ASTN2: variants seen among roughly 807,000 people sequenced by gnomAD.
ASTN2 encodes the protein astrotactin 2, also known as astrotactin-2.
In ASTN2, 54 loss-of-function variants were observed where a neutral mutation model predicts 139.8. The observed-to-expected ratio is 0.39, with a 90% confidence interval of 0.31 to 0.48. The LOEUF (loss-of-function observed/expected upper bound fraction) is 0.48. ASTN2 is among the 20% of genes least tolerant of loss of function. ASTN2 has a pLI of 0.95. For synonymous variants in ASTN2, 756 were observed against 719.5 expected (o/e 1.05, Z -0.81); for missense variants, 1,565 against 1,725.1 (o/e 0.91, Z 1.64).
chr9:116,925,222 A>T (rs867026727), intron 10 of ASTN2, among the ~76,000 whole-genome samples: 1 of 152,198 alleles, frequency 6.6e-6, no homozygotes, highest in Non-Finnish European at 1.5e-5. Context: ...AGTCATCAGC[A>T]CTACCACCAC....
chr9:117,140,415 A>G (rs1246153203), intron 4 of ASTN2, among the ~76,000 whole-genome samples: 1 of 152,142 alleles, frequency 6.6e-6, no homozygotes, highest in Non-Finnish European at 1.5e-5. Context: ...GGAGACTACT[A>G]GTTTTTCTAT....
At chr9:116,879,209 G>C (rs1408451270) in intron 10 of ASTN2, among the ~76,000 whole-genome samples, 1 of 152,116 alleles carries the variant, frequency 6.6e-6, no homozygotes, top group Non-Finnish European at 1.5e-5. Context: ...CTACAATGAT[G>C]GGGTGATCTC....
chr9:116,991,020 C>G (rs1480017048), intron 7 of ASTN2, among the ~76,000 whole-genome samples: 2 of 152,144 alleles, frequency 1.3e-5, no homozygotes, highest in African/African-American at 4.8e-5. Flanking sequence ...ATCCATACTC[C>G]AACTGCCCAT....
intron 1 of ASTN2, among the ~76,000 whole-genome samples, chr9:117,334,606 A>C (rs1828818262): frequency 6.6e-6 from 1 of 151,844 alleles, no homozygotes; most frequent in African/African-American, 2.4e-5. Context: ...CTCCCTGCTA[A>C]ATGCCTTTTA....
chr9:116,932,540 G>C (rs1834930800), intron 10 of ASTN2, among the ~76,000 whole-genome samples: 1 of 152,102 alleles, frequency 6.6e-6, no homozygotes. Context: ...TCTTCCCCCT[G>C]CTTCCATCCT....
Position 116,699,211 on chromosome 9 carries a change from G to A in ASTN2, c.2806+26560C>T, listed in dbSNP as rs777563978. On this transcript the variant is annotated intron_variant, in intron 16 of 22. Transcript: ENST00000313400. The surrounding 1 kb of genome is among the most constrained non-coding windows in gnomAD (Gnocchi z 4.2). ...CAGTTTGTAGTAACCGATGTGGAAG[G>A]TGGAAAGCTTTGGTGTTTCACAGTT... 4 of 1,614,132 alleles carry A rather than the reference G, an allele frequency of 2.5e-6. No homozygotes were observed. Among genetic ancestry groups the A allele is most frequent in the Non-Finnish European group, 3.4e-6 (4 of 1,180,052 alleles).
chr9:117,050,569 TG>T (rs1838887464), intron 5 of ASTN2, among the ~76,000 whole-genome samples: 1 of 151,972 alleles, frequency 6.6e-6, no homozygotes, highest in African/African-American at 2.4e-5. Context: ...TACTTGACAT[TG>T]GGGGAAATGG....
At chr9:116,614,901 C>A (rs1387874616) in intron 19 of ASTN2, among the ~76,000 whole-genome samples, 2 of 152,126 alleles carry the variant, frequency 1.3e-5, no homozygotes, top group African/African-American at 4.8e-5. Flanking sequence ...AGAGCTTCTG[C>A]ACAACAAAAG....
Position 117,071,189 on chromosome 9 carries a change from G to C in ASTN2, c.1276+24855C>G, listed in dbSNP as rs1828111456. On this transcript the variant is annotated intron_variant, in intron 5 of 22. Transcript: ENST00000313400. Reference sequence around the variant, plus strand: ...GATGGTGATGTACAGATGGGTTTTTGGTGTGGATGTCCTTTCTGTTTGTTA... The same window carrying C: ...GATGGTGATGTACAGATGGGTTTTTCGTGTGGATGTCCTTTCTGTTTGTTA... Among the ~76,000 whole-genome samples, 4 of 151,298 alleles carry C rather than the reference G, an allele frequency of 2.6e-5. No homozygotes were observed. The South Asian group carries it at 8.4e-4, about 32-fold the overall frequency.
chr9:116,966,056 C>T (rs935942941), intron 10 of ASTN2, among the ~76,000 whole-genome samples: 6 of 152,146 alleles, frequency 3.9e-5, no homozygotes, highest in Non-Finnish European at 4.4e-5. Flanking sequence ...GGTATACTAA[C>T]CCCCAGCCCA....
intron 6 of ASTN2, among the ~76,000 whole-genome samples, chr9:117,037,508 T>C (rs974771702): frequency 5.3e-5 from 8 of 152,196 alleles, no homozygotes; most frequent in Non-Finnish European, 2.9e-5. Flanking sequence ...GGAATTCACT[T>C]GGCTATCGAA....
intron 5 of ASTN2, among the ~76,000 whole-genome samples, chr9:117,049,538 C>A (rs1265758811): frequency 6.6e-6 from 1 of 152,152 alleles, no homozygotes; most frequent in Admixed American, 6.5e-5. Context: ...TGCCCTTATG[C>A]CAGGCACTGT....
intron 19 of ASTN2, among the ~76,000 whole-genome samples, chr9:116,552,429 A>G (rs1852395162): frequency 6.6e-6 from 1 of 152,222 alleles, no homozygotes; most frequent in South Asian, 2.1e-4. Context: ...GGTAAAGGTA[A>G]AACATTCTGC....
At chr9:117,239,028 T>C (rs1380321839) in intron 2 of ASTN2, among the ~76,000 whole-genome samples, 1 of 152,198 alleles carries the variant, frequency 6.6e-6, no homozygotes, top group African/African-American at 2.4e-5. Context: ...TTTAGATGCA[T>C]TACTTCATCA....
intron 20 of ASTN2, among the ~76,000 whole-genome samples, chr9:116,473,109 T>C (rs1186662168): frequency 1.3e-5 from 2 of 152,050 alleles, no homozygotes; most frequent in African/African-American, 4.8e-5. Flanking sequence ...GCATAATGAA[T>C]GGCATGTAAT....
At chr9:117,060,609 G>A (rs868244705) in intron 5 of ASTN2, among the ~76,000 whole-genome samples, 16 of 121,796 alleles carry the variant, frequency 1.3e-4, no homozygotes, top group African/African-American at 1.9e-4. Context: ...GGAAGGAAGG[G>A]CGGGCCAGGG....
intron 5 of ASTN2, among the ~76,000 whole-genome samples, chr9:117,050,439 C>A (rs981100575): frequency 3.3e-5 from 5 of 151,966 alleles, no homozygotes; most frequent in African/African-American, 1.2e-4. Context: ...AATACACAAC[C>A]AACGTTATTC....
In ASTN2 at chr9:117,000,847, A is replaced by C. The variant is rs369904986; in HGVS notation, c.1591+7245T>G. On this transcript the variant is annotated intron_variant, in intron 7 of 22. Coordinates refer to ENST00000313400, the MANE Select transcript of ASTN2 (RefSeq NM_001365068.1). ...GCATTTACCAATTGTGTTGGTGTAA[A>C]CATCCTCACCATAGCATATTTTCAG... 4.6e-5 allele frequency among the ~76,000 whole-genome samples: 7 copies of C among 152,326 alleles called. No individual in the cohort carries two copies. The East Asian group carries it at 5.8e-4, about 13-fold the overall frequency.
At chr9:116,847,025 A>C (rs1223437825) in intron 11 of ASTN2, among the ~76,000 whole-genome samples, 6 of 119,578 alleles carry the variant, frequency 5.0e-5, no homozygotes, top group African/African-American at 1.1e-4. Flanking sequence ...AAAAAAAAAA[A>C]ACAAAAAACA....
Sources: allele counts gnomAD v4.1 joint callset (sites outside exome capture counted in the v4.1 genomes callset), GRCh38; gene constraint gnomAD v4.1.1; non-coding constraint Gnocchi (gnomAD v3.1); transcripts MANE v1.5; gene names NCBI Gene and HGNC (gene_info 2026-07-23, HGNC 2026-07-21).